CATSPERB: variants seen among roughly 807,000 people sequenced by gnomAD.
The protein encoded by CATSPERB is cation channel sperm-associated auxiliary subunit beta.
A neutral mutation model predicts 128.3 loss-of-function variants in CATSPERB; 93 were observed. The ratio of observed to expected loss-of-function variants is 0.72; its 90% confidence interval spans 0.61 to 0.86. The LOEUF is 0.86. Among genes scored for constraint, CATSPERB ranks in the 40% least tolerant of loss-of-function variants. The pLI, the probability that CATSPERB is intolerant of heterozygous loss-of-function variation, is 0.00. For missense variants in CATSPERB, 1,153 were observed against 1,329.5 expected (o/e 0.87, Z 2.06); for synonymous variants, 381 against 448.8 (o/e 0.85, Z 1.91).
At chr14:91,664,901 T>A (rs1894952911) in intron 14 of CATSPERB, among the ~76,000 whole-genome samples, 1 of 152,168 alleles carries the variant, frequency 6.6e-6, no homozygotes, top group Admixed American at 6.5e-5. Context: ...GATTTTTGTG[T>A]GTGTGTGAGA....
chr14:91,617,868 G>C, intron 19 of CATSPERB, 132 bp from the exon 20 acceptor site: 1 of 641,458 alleles, frequency 1.6e-6, no homozygotes. Flanking sequence ...TGCACATACA[G>C]TTAGCAATTT....
chr14:91,667,138 C>G (rs902866519), intron 14 of CATSPERB, among the ~76,000 whole-genome samples: 1 of 152,224 alleles, frequency 6.6e-6, no homozygotes, highest in Non-Finnish European at 1.5e-5. Context: ...ATACAGACAG[C>G]AAGTATGCTT....
At chr14:91,658,595 C>T (rs982755967) in intron 15 of CATSPERB, among the ~76,000 whole-genome samples, 36 of 148,420 alleles carry the variant, frequency 2.4e-4, no homozygotes, top group African/African-American at 8.9e-4. Context: ...GATGGATACC[C>T]CATTTACCCC....
chr14:91,604,444 T>C, intron 22 of CATSPERB: 3 of 1,433,194 alleles, frequency 2.1e-6, no homozygotes, highest in Admixed American at 3.3e-5. Flanking sequence ...AGTTTAGGAA[T>C]AAATCCACAG....
At chr14:91,603,223 T>G (rs921220430) in intron 22 of CATSPERB, 3 of 868,072 alleles carry the variant, frequency 3.5e-6, no homozygotes, top group Non-Finnish European at 6.0e-6. Context: ...AAATAGGGCA[T>G]TCTTTTCATT....
chr14:91,659,687 A>G, intron 15 of CATSPERB, 150 bp downstream of exon 15: 1 of 674,112 alleles, frequency 1.5e-6, no homozygotes, highest in Non-Finnish European at 2.4e-6. Flanking sequence ...AGGACTATCC[A>G]TAGGATCCTA....
chr14:91,617,096 C>T (rs1320923636), intron 20 of CATSPERB, among the ~76,000 whole-genome samples: 1 of 152,064 alleles, frequency 6.6e-6, no homozygotes, highest in Non-Finnish European at 1.5e-5. Flanking sequence ...TAACCGTATA[C>T]ACATATAAAG....
chr14:91,611,590 A>G (rs1416278414), intron 20 of CATSPERB, among the ~76,000 whole-genome samples: 2 of 152,174 alleles, frequency 1.3e-5, no homozygotes, highest in African/African-American at 4.8e-5. Context: ...AGACTGGGTG[A>G]CAGAGCTAGC....
intron 20 of CATSPERB, among the ~76,000 whole-genome samples, chr14:91,616,990 C>T (rs1044751119): frequency 1.7e-4 from 26 of 152,020 alleles, no homozygotes; most frequent in African/African-American, 5.3e-4. Context: ...GTGATCCACC[C>T]GCCTTGGCCT....
intron 20 of CATSPERB, among the ~76,000 whole-genome samples, chr14:91,612,975 T>C (rs1255662206): frequency 6.6e-6 from 1 of 152,194 alleles, no homozygotes; most frequent in African/African-American, 2.4e-5. Flanking sequence ...AACCATATAC[T>C]GTGTGAATCT....
chr14:91,688,489 TTC>T (rs1566731613), intron 10 of CATSPERB, among the ~76,000 whole-genome samples: 1 of 152,172 alleles, frequency 6.6e-6, no homozygotes, highest in African/African-American at 2.4e-5. Flanking sequence ...TCAGTTAATG[TTC>T]TTTCATTTTT....
intron 21 of CATSPERB, among the ~76,000 whole-genome samples, chr14:91,609,983 A>C (rs1221052122): frequency 6.6e-6 from 1 of 152,044 alleles, no homozygotes; most frequent in Non-Finnish European, 1.5e-5. Flanking sequence ...GACCTCCCAA[A>C]GTGCTGGGAT....
intron 11 of CATSPERB, among the ~76,000 whole-genome samples, chr14:91,678,838 T>C (rs1306363932): frequency 3.3e-5 from 5 of 152,216 alleles, no homozygotes; most frequent in African/African-American, 1.2e-4. Context: ...ACTAATGTAA[T>C]ATTGGTGGTT....
At chr14:91,720,749 A>G (rs372448734) in intron 4 of CATSPERB, among the ~76,000 whole-genome samples, 1 of 152,166 alleles carries the variant, frequency 6.6e-6, no homozygotes, top group South Asian at 2.1e-4. Flanking sequence ...AATTCATATT[A>G]TTTTATGTAA....
At chr14:91,713,573 T>A (rs1276411919) in intron 5 of CATSPERB, among the ~76,000 whole-genome samples, 2 of 152,154 alleles carry the variant, frequency 1.3e-5, no homozygotes, top group African/African-American at 4.8e-5. Flanking sequence ...ACAACTTAGA[T>A]GAAATGGACA....
intron 15 of CATSPERB, among the ~76,000 whole-genome samples, chr14:91,656,544 G>C (rs1326595007): frequency 1.3e-5 from 2 of 151,974 alleles, no homozygotes; most frequent in Non-Finnish European, 2.9e-5. Flanking sequence ...ATTAAAACAT[G>C]CTACCAGAGA....
Position 91,620,400 on chromosome 14 carries a change from G to A in CATSPERB, c.2260+1208C>T, listed in dbSNP as rs147285674. Among the ~76,000 whole-genome samples, 807 of 152,192 alleles carry A rather than the reference G, an allele frequency of 5.3e-3. 1 individual carries two copies. The highest frequency in any genetic ancestry group is 7.6e-3 in the African/African-American group (317 of 41,536). On this transcript the variant is annotated intron_variant, in intron 19 of 26. Transcript: ENST00000256343. ...ATCTGGGCCTCACATCCTCCAGGGAGTCATACATTAGCTAATTTCTTTGGT... is the reference window on the plus strand; with the variant it reads ...ATCTGGGCCTCACATCCTCCAGGGAATCATACATTAGCTAATTTCTTTGGT...
At chr14:91,685,503 G>A (rs1486753107) in intron 10 of CATSPERB, among the ~76,000 whole-genome samples, 1 of 152,162 alleles carries the variant, frequency 6.6e-6, no homozygotes, top group Non-Finnish European at 1.5e-5. Context: ...AGGCCGTGTG[G>A]TAATTTATCG....
chr14:91,609,723 CT>C (rs1893786934), intron 21 of CATSPERB, among the ~76,000 whole-genome samples: 1 of 152,016 alleles, frequency 6.6e-6, no homozygotes, highest in East Asian at 1.9e-4. Flanking sequence ...TTAGATATTT[CT>C]TTTTAAAATT....
Sources: gnomAD v4.1 joint callset for allele counts (sites outside exome capture counted in the v4.1 genomes callset) on GRCh38, gnomAD v4.1.1 for gene constraint, MANE v1.5 for transcripts, NCBI Gene and HGNC (gene_info 2026-07-23, HGNC 2026-07-21) for gene names.